Variants in CPED1 observed in about 807,000 individuals in gnomAD.
CPED1 encodes the protein cadherin like and PC-esterase domain containing 1.
Under a neutral mutation model 128.2 loss-of-function variants are expected in CPED1, and 114 were observed. That is an observed-to-expected ratio of 0.89 (90% CI 0.76 to 1.04). The LOEUF (loss-of-function observed/expected upper bound fraction) is 1.04, where lower values mean the gene tolerates loss of function less well. Ranked by LOEUF, CPED1 falls within the 50% of genes least tolerant of loss-of-function variation. The probability of loss-of-function intolerance (pLI) is 0.00; values close to 1 mark genes in which losing one functional copy is unlikely to be tolerated. For missense variants in CPED1, 1,211 were observed against 1,207.1 expected (o/e 1.00, Z -0.05); for synonymous variants, 462 against 426.7 (o/e 1.08, Z -1.02).
intron 2 of CPED1, among the ~76,000 whole-genome samples, chr7:121,012,431 G>A (rs1462796623): frequency 6.6e-6 from 1 of 152,214 alleles, no homozygotes; most frequent in East Asian, 1.9e-4. Context: ...GTCAAGTGAA[G>A]TTGTTGTAGT....
intron 7 of CPED1, among the ~76,000 whole-genome samples, chr7:121,104,916 G>C (rs1262082509): frequency 6.6e-6 from 1 of 151,998 alleles, no homozygotes; most frequent in African/African-American, 2.4e-5. Context: ...TTGTTTTCCA[G>C]TAAATGCAAT....
intron 22 of CPED1, among the ~76,000 whole-genome samples, chr7:121,291,152 A>G (rs960269757): frequency 1.3e-5 from 2 of 152,006 alleles, no homozygotes; most frequent in Admixed American, 6.6e-5. Flanking sequence ...CCTCTGTTCC[A>G]TTGGTCTATG....
chr7:121,073,069 C>T (rs1010414517), intron 5 of CPED1, among the ~76,000 whole-genome samples: 1 of 152,142 alleles, frequency 6.6e-6, no homozygotes, highest in East Asian at 1.9e-4. Flanking sequence ...TTGCCCATAA[C>T]TTTTGACTCC....
chr7:121,035,581 C>T (rs2116871441), intron 3 of CPED1, among the ~76,000 whole-genome samples: 1 of 152,070 alleles, frequency 6.6e-6, no homozygotes, highest in South Asian at 2.1e-4. Flanking sequence ...GGCCTGTAAT[C>T]CTAGCACTTC....
intron 18 of CPED1, among the ~76,000 whole-genome samples, chr7:121,264,400 A>T (rs1792083124): frequency 6.6e-6 from 1 of 152,084 alleles, no homozygotes. Context: ...TAGTAAGAAG[A>T]AATTCAAGTT....
At chr7:120,992,975 A>G (rs191648663) in intron 2 of CPED1, among the ~76,000 whole-genome samples, 1 of 152,206 alleles carries the variant, frequency 6.6e-6, no homozygotes, top group African/African-American at 2.4e-5. Context: ...TTCCATAGTG[A>G]GGAAGTACTC....
intron 16 of CPED1, among the ~76,000 whole-genome samples, chr7:121,234,797 TTGAG>T (rs749116855): frequency 4.1e-4 from 62 of 152,146 alleles, no homozygotes; most frequent in Non-Finnish European, 6.8e-4. Flanking sequence ...ACATTGTTGA[TTGAG>T]TGAACACACA....
intron 16 of CPED1, among the ~76,000 whole-genome samples, chr7:121,179,819 A>G (rs550201478): frequency 3.9e-5 from 6 of 152,090 alleles, no homozygotes; most frequent in Non-Finnish European, 7.4e-5. Flanking sequence ...GACAAAGACA[A>G]ATAAATTATA....
intron 16 of CPED1, among the ~76,000 whole-genome samples, chr7:121,215,891 T>C (rs1448911859): frequency 6.6e-6 from 1 of 151,998 alleles, no homozygotes; most frequent in East Asian, 1.9e-4. Flanking sequence ...GGAAGTTCAC[T>C]TCAAAAATAA....
chr7:121,283,181 A>G lies in CPED1; in HGVS notation c.2868+11751A>G, dbSNP rs560754640. Reference sequence around the variant, plus strand: ...ATCTCACACAATTAAAAGTATTAGGACCACATTTATGGTCACTGGATTTAT... The same window carrying G: ...ATCTCACACAATTAAAAGTATTAGGGCCACATTTATGGTCACTGGATTTAT... On this transcript the variant is annotated intron_variant, in intron 22 of 22. Transcript: ENST00000310396. 4.7e-4 allele frequency among the ~76,000 whole-genome samples: 71 copies of G among 152,304 alleles called. 1 individual carries two copies. The East Asian group carries it at 0.01, about 22-fold the overall frequency.
chr7:121,096,292 TTTTAC>T (rs1794697550), intron 5 of CPED1, among the ~76,000 whole-genome samples: 1 of 152,178 alleles, frequency 6.6e-6, no homozygotes, highest in Admixed American at 6.5e-5. Context: ...TTCTGCTGAC[TTTTAC>T]TTAAGAGTGT....
intron 16 of CPED1, among the ~76,000 whole-genome samples, chr7:121,193,227 G>A (rs1450660340): frequency 2.6e-5 from 4 of 152,070 alleles, no homozygotes; most frequent in Admixed American, 2.0e-4. Context: ...ATTTCTATTT[G>A]TTTTTACAAT....
intron 11 of CPED1, among the ~76,000 whole-genome samples, chr7:121,128,734 A>G (rs751891293): frequency 3.3e-5 from 5 of 152,174 alleles, no homozygotes; most frequent in Non-Finnish European, 5.9e-5. Context: ...CATAGCTGCC[A>G]GAATTTGACA....
At chr7:121,229,849 C>T (rs2116647420) in intron 16 of CPED1, among the ~76,000 whole-genome samples, 1 of 151,734 alleles carries the variant, frequency 6.6e-6, no homozygotes, top group African/African-American at 2.4e-5. Flanking sequence ...CAAAACAGAC[C>T]TTGAGAAGGA....
chr7:121,267,172 T>C (rs531236770), intron 20 of CPED1, 43 bp from the exon 21 acceptor site: 107 of 1,029,560 alleles, frequency 1.0e-4, no homozygotes, highest in Non-Finnish European at 1.6e-4. Flanking sequence ...TCTAGAAATG[T>C]AATTAAAGTT....
At chr7:121,110,213 TTACCGGC>T (rs1426434038) in intron 7 of CPED1, among the ~76,000 whole-genome samples, 2 of 152,158 alleles carry the variant, frequency 1.3e-5, no homozygotes, top group Non-Finnish European at 2.9e-5. Flanking sequence ...CTACAAGTAT[TTACCGGC>T]TACCTCTTAT....
chr7:121,118,881 C>T (rs1048208152), intron 7 of CPED1, among the ~76,000 whole-genome samples: 1 of 152,126 alleles, frequency 6.6e-6, no homozygotes, highest in Non-Finnish European at 1.5e-5. Flanking sequence ...AACTCATTCA[C>T]AATGACAAGA....
At chr7:121,060,391 G>A (rs538416631) in intron 4 of CPED1, among the ~76,000 whole-genome samples, 1 of 152,250 alleles carries the variant, frequency 6.6e-6, no homozygotes, top group Non-Finnish European at 1.5e-5. Flanking sequence ...GGTGAAGCCA[G>A]CTGAGCTCCT....
intron 16 of CPED1, among the ~76,000 whole-genome samples, chr7:121,189,581 G>T (rs977746356): frequency 1.2e-4 from 18 of 151,642 alleles, no homozygotes; most frequent in African/African-American, 4.4e-4. Flanking sequence ...AGATTTGGGT[G>T]GGGGGACAGA....
Sources: allele counts gnomAD v4.1 joint callset (sites outside exome capture counted in the v4.1 genomes callset), GRCh38; gene constraint gnomAD v4.1.1; transcripts MANE v1.5; gene names NCBI Gene and HGNC (gene_info 2026-07-23, HGNC 2026-07-21).